SPTB: variants seen among roughly 807,000 people sequenced by gnomAD.
The protein encoded by SPTB is spectrin beta chain, erythrocytic.
SPTB carries 45 observed loss-of-function variants against 256.2 expected under a neutral mutation model. The ratio of observed to expected loss-of-function variants is 0.18; its 90% CI spans 0.14 to 0.23. The LOEUF is 0.23. Among genes scored for constraint, SPTB ranks in the 10% least tolerant of loss-of-function variants. The probability of loss-of-function intolerance (pLI) is 1.00; values close to 1 mark genes in which losing one functional copy is unlikely to be tolerated. For missense variants in SPTB, 2,715 were observed against 3,040.4 expected (o/e 0.89, Z 2.52); for synonymous variants, 1,231 against 1,243.1 (o/e 0.99, Z 0.21).
rs950033159 is a variant in SPTB, at chr14:64,845,514, T to A, written c.-51-22369A>T. ...GAGAACCAAACTGGAATATGAGTGATGAATTCATCCCACAAATATCTTCTG... is the reference window on the plus strand; with the variant it reads ...GAGAACCAAACTGGAATATGAGTGAAGAATTCATCCCACAAATATCTTCTG... On this transcript the variant is annotated intron_variant, in intron 1 of 35. Transcript: ENST00000644917. The surrounding 1 kb of genome is among the most constrained non-coding windows in gnomAD (Gnocchi z 4.8). Among the ~76,000 whole-genome samples, 1 of 152,224 alleles carries A rather than the reference T, an allele frequency of 6.6e-6. No individual in the cohort carries two copies. Among genetic ancestry groups the A allele is most frequent in the African/African-American group, 2.4e-5 (1 of 41,464 alleles).
intron 6 of SPTB, 120 bp from the exon 7 acceptor site, chr14:64,801,520 A>AGGAGGAGATGGGAGC: frequency 1.2e-6 from 1 of 853,952 alleles, no homozygotes; most frequent in Non-Finnish European, 2.0e-6. Flanking sequence ...GAGGAGTGAA[A>AGGAGGAGATGGGAGC]GGAGGAGATG....
intron 32 of SPTB, among the ~76,000 whole-genome samples, chr14:64,765,729 C>T (rs2139469336): frequency 6.6e-6 from 1 of 152,170 alleles, no homozygotes; most frequent in South Asian, 2.1e-4. Flanking sequence ...GAATCGCCTA[C>T]AAGGATGGGC....
chr14:64,797,043 C>T (rs1382356523), intron 10 of SPTB, among the ~76,000 whole-genome samples: 1 of 152,198 alleles, frequency 6.6e-6, no homozygotes, highest in East Asian at 1.9e-4. Flanking sequence ...TCAATATGAA[C>T]TGCCAGGTGG....
At chr14:64,811,879 A>G (rs541752875) in intron 2 of SPTB, among the ~76,000 whole-genome samples, 1 of 152,346 alleles carries the variant, frequency 6.6e-6, no homozygotes, top group East Asian at 1.9e-4. Flanking sequence ...ATTGCTGGAA[A>G]GGGTATAACT....
intron 32 of SPTB, 22 bp from the exon 33 acceptor site, chr14:64,753,815 G>A: frequency 6.2e-7 from 1 of 1,610,796 alleles, no homozygotes. Context: ...ATAGGGAGGA[G>A]CACACCTTTC....
chr14:64,877,090 T>C (rs929597252), intron 1 of SPTB, among the ~76,000 whole-genome samples: 1 of 151,240 alleles, frequency 6.6e-6, no homozygotes, highest in Non-Finnish European at 1.5e-5. Flanking sequence ...TATCACACTG[T>C]CCCTATGTAT....
At position 64,786,229 on chromosome 14, in the gene SPTB, G is replaced by A. The variant is rs1455426587; in HGVS notation, c.3561+175C>T. ...TAGACCCAAGAACAAGGCGTAGTTTGGGACACAAGGCTGGAAAAGGCCCCT... is the reference window on the plus strand; with the variant it reads ...TAGACCCAAGAACAAGGCGTAGTTTAGGACACAAGGCTGGAAAAGGCCCCT... On this transcript the variant is annotated intron_variant, in intron 16 of 35. Coordinates refer to ENST00000644917, the MANE Select transcript of SPTB (RefSeq NM_001355436.2). The surrounding 1 kb of genome is among the most constrained non-coding windows in gnomAD (Gnocchi z 5.6). Among the ~76,000 whole-genome samples the A allele has an allele frequency of 6.6e-6, 1 of 152,154 alleles. No homozygotes were observed. The highest frequency in any genetic ancestry group is 1.5e-5 in the Non-Finnish European group (1 of 68,034).
chr14:64,831,789 T>C lies in SPTB; in HGVS notation c.-51-8644A>G, dbSNP rs182778794. On this transcript the variant is annotated intron_variant, in intron 1 of 35. Transcript: ENST00000644917. ...AGGTAAAATGCAGTGAATGAACACG[T>C]GGAGGGCACATGGCAATGCTGGAGG... 5.3e-5 allele frequency among the ~76,000 whole-genome samples: 8 copies of C among 152,228 alleles called. No individual in the cohort carries two copies. In the East Asian group the frequency reaches 1.5e-3, roughly 29 times the overall value.
At chr14:64,828,101 A>T (rs1463525449) in intron 1 of SPTB, among the ~76,000 whole-genome samples, 2 of 152,134 alleles carry the variant, frequency 1.3e-5, no homozygotes, top group African/African-American at 4.8e-5. Context: ...ATTACTACCC[A>T]TGGTTGCTAC....
At chr14:64,820,501 G>C (rs532928082) in intron 2 of SPTB, among the ~76,000 whole-genome samples, 2 of 152,238 alleles carry the variant, frequency 1.3e-5, no homozygotes, top group Non-Finnish European at 2.9e-5. Flanking sequence ...ATATTTACTT[G>C]TTGGCCAGAT....
chr14:64,839,440 G>A (rs941967701), intron 1 of SPTB, among the ~76,000 whole-genome samples: 2 of 152,128 alleles, frequency 1.3e-5, no homozygotes, highest in African/African-American at 4.8e-5. Context: ...TTGGGGAAAC[G>A]AGTTGACAGA....
chr14:64,749,632 G>C lies in SPTB; in HGVS notation c.6819+22C>G, dbSNP rs2139416718. 5 of 1,613,362 alleles carry C rather than the reference G, an allele frequency of 3.1e-6. No individual in the cohort carries two copies. The East Asian group carries it at 1.1e-4, about 36-fold the overall frequency. On this transcript the variant is annotated intron_variant, in intron 35 of 35. Coordinates refer to ENST00000644917, the MANE Select transcript of SPTB (RefSeq NM_001355436.2). This position sits in a 1 kb window ranked among gnomAD's most constrained non-coding sequence, Gnocchi z 4.7. Reference sequence around the variant, plus strand: ...ACCTACCCCCTTCTTAGCCAGGTCTGGGCTAGGCTGCCCGCGCTTACCTCA... The same window carrying C: ...ACCTACCCCCTTCTTAGCCAGGTCTCGGCTAGGCTGCCCGCGCTTACCTCA...
chr14:64,822,523 C>CCAAT (rs1223162724), intron 2 of SPTB, among the ~76,000 whole-genome samples: 3 of 151,894 alleles, frequency 2.0e-5, no homozygotes, highest in Non-Finnish European at 4.4e-5. Context: ...GATTTCCTAT[C>CCAAT]CAATCACTCC....
intron 19 of SPTB, among the ~76,000 whole-genome samples, 168 bp downstream of exon 19, chr14:64,784,079 G>A (rs1384602489): frequency 6.6e-6 from 1 of 152,248 alleles, no homozygotes; most frequent in African/African-American, 2.4e-5. Context: ...TACTAAGACT[G>A]ACTACATCAG....
chr14:64,851,893 G>A (rs925186927), intron 1 of SPTB, among the ~76,000 whole-genome samples: 9 of 151,998 alleles, frequency 5.9e-5, no homozygotes. Context: ...GAGAGCTAAA[G>A]GAAAAATAGC....
Position 64,753,573 on chromosome 14 carries a change from T to C in SPTB, c.6566A>G (p.His2189Arg), listed in dbSNP as rs779648071. Residue 2189 changes from histidine to arginine, a missense_variant, in exon 33 of 36, where the codon CAT (histidine) becomes CGT (arginine). His to Arg is a conservative substitution (Grantham distance 29, BLOSUM62 0). Around this residue, in one of 4 missense-constraint regions of SPTB, gnomAD observed 2,239 missense variants for 2,384.4 expected, o/e 0.94. Transcript: ENST00000644917. The part of the protein sequence containing the change: ...VQMEGYLGRK[H>R]DLEGPNKKAS... Reference sequence around the variant, plus strand: ...CTTCTTGTTGGGCCCCTCCAGGTCATGCTTGCGGCCCAGGTAGCCTTCCAT... The same window carrying C: ...CTTCTTGTTGGGCCCCTCCAGGTCACGCTTGCGGCCCAGGTAGCCTTCCAT... 6 of 1,613,552 alleles carry C rather than the reference T, an allele frequency of 3.7e-6. No homozygotes were observed. Among genetic ancestry groups the C allele is most frequent in the Non-Finnish European group, 5.1e-6 (6 of 1,179,998 alleles).
chr14:64,842,573 C>A (rs2083624033), intron 1 of SPTB, among the ~76,000 whole-genome samples: 1 of 152,194 alleles, frequency 6.6e-6, no homozygotes, highest in Admixed American at 6.5e-5. Flanking sequence ...CACAGCACTG[C>A]TGTTTGGATC....
At chr14:64,797,918 C>G (rs150429690) in intron 9 of SPTB, 72 bp from the exon 10 acceptor site, 4 of 1,037,878 alleles carry the variant, frequency 3.9e-6, no homozygotes, top group South Asian at 3.8e-5. Flanking sequence ...AAAGTCAACA[C>G]GGAACTGTGG....
At position 64,825,305 on chromosome 14, in the gene SPTB, G is replaced by C. The variant is rs143215114; in HGVS notation, c.-51-2160C>G. ...AAACCAGTCATCATCCCGAACACAGGATGCCCCATGATGCCAGACCTGTGC... is the reference window on the plus strand; with the variant it reads ...AAACCAGTCATCATCCCGAACACAGCATGCCCCATGATGCCAGACCTGTGC... On this transcript the variant is annotated intron_variant, in intron 1 of 35. Transcript: ENST00000644917. The surrounding 1 kb of genome is among the most constrained non-coding windows in gnomAD (Gnocchi z 4.8). Among the ~76,000 whole-genome samples the C allele has an allele frequency of 3.3e-5, 5 of 152,284 alleles. No individual in the cohort carries two copies. Among genetic ancestry groups the C allele is most frequent in the South Asian group, 2.1e-4 (1 of 4,826 alleles).
Sources: gnomAD v4.1 joint callset for allele counts (sites outside exome capture counted in the v4.1 genomes callset) on GRCh38, gnomAD v4.1.1 for gene constraint, gnomAD v4.1.1 regional missense constraint, Gnocchi (gnomAD v3.1) non-coding constraint, MANE v1.5 for transcripts, NCBI Gene and HGNC (gene_info 2026-07-23, HGNC 2026-07-21) for gene names.